ACACA: variants seen among roughly 807,000 people sequenced by gnomAD.
ACACA encodes the protein acetyl-CoA carboxylase 1.
Under a neutral mutation model 296.1 loss-of-function variants are expected in ACACA, and 103 were observed. The ratio of observed to expected loss-of-function variants is 0.35; its 90% CI spans 0.30 to 0.41. ACACA has a LOEUF of 0.41. Among genes scored for constraint, ACACA ranks in the 10% least tolerant of loss-of-function variants. The pLI, the probability that ACACA is intolerant of heterozygous loss-of-function variation, is 1.00. For synonymous variants in ACACA, 953 were observed against 1,038.6 expected (o/e 0.92, Z 1.58); for missense variants, 1,554 against 2,989.7 (o/e 0.52, Z 11.20).
intron 38 of ACACA, among the ~76,000 whole-genome samples, chr17:37,190,028 A>G (rs959824571): frequency 3.5e-5 from 5 of 144,082 alleles, no homozygotes; most frequent in Non-Finnish European, 6.2e-5. Flanking sequence ...AAAAAGAAAA[A>G]GAAAAAAAAA....
chr17:37,320,101 G>T (rs903573216), intron 3 of ACACA, among the ~76,000 whole-genome samples: 1 of 152,074 alleles, frequency 6.6e-6, no homozygotes, highest in Non-Finnish European at 1.5e-5. Flanking sequence ...CTCCAGCCTG[G>T]ACAACAGAGA....
intron 10 of ACACA, among the ~76,000 whole-genome samples, chr17:37,264,176 C>T (rs2081639892): frequency 6.6e-6 from 1 of 152,120 alleles, no homozygotes; most frequent in Non-Finnish European, 1.5e-5. Flanking sequence ...AAAACATAGG[C>T]ACATACACAA....
rs373046532 is a variant in ACACA at position 37,244,645 on chromosome 17, A to T, written c.2685T>A (p.Asp895Glu). The T allele has an allele frequency of 2.5e-6, 4 of 1,614,096 alleles. No homozygotes were observed. The highest frequency in any genetic ancestry group is 3.4e-6 in the Non-Finnish European group (4 of 1,180,040). ...KLHRVFHYVL[D>E]NLVNVMNGYC... Reference sequence around the variant, plus strand: ...ATCCATTCATTACATTGACCAGATTATCCAGGACATAATGGAACACTCGAT... The same window carrying T: ...ATCCATTCATTACATTGACCAGATTTTCCAGGACATAATGGAACACTCGAT... The change falls in exon 21 of 56, where the codon GAT becomes GAA. Residue 895 changes from aspartate (D) to glutamate (E), a missense_variant. Asp to Glu is a conservative substitution (Grantham distance 45, BLOSUM62 2). Coordinates refer to ENST00000616317, the MANE Select transcript of ACACA (RefSeq NM_198834.3).
chr17:37,338,594 C>T (rs903087892), intron 2 of ACACA, among the ~76,000 whole-genome samples: 2 of 151,296 alleles, frequency 1.3e-5, no homozygotes, highest in Admixed American at 1.3e-4. Flanking sequence ...GGTGACAGAG[C>T]GAGACTCTGT....
intron 14 of ACACA, 68 bp downstream of exon 14, chr17:37,257,635 C>T (rs917758007): frequency 3.3e-6 from 5 of 1,513,764 alleles, no homozygotes; most frequent in Admixed American, 1.7e-5. Context: ...TATTCCCATG[C>T]TCACACCTTC....
At chr17:37,167,371 T>C (rs983113733) in intron 41 of ACACA, among the ~76,000 whole-genome samples, 9 of 147,014 alleles carry the variant, frequency 6.1e-5, no homozygotes, top group Non-Finnish European at 8.9e-5. Context: ...TAGGTTGGAG[T>C]GCAGTGATGC....
intron 35 of ACACA, 52 bp downstream of exon 35, chr17:37,200,087 G>T: frequency 2.3e-6 from 3 of 1,325,078 alleles, no homozygotes; most frequent in Non-Finnish European, 2.2e-6. Flanking sequence ...AATAATCAGT[G>T]GCAGACAAAT....
rs1381246206 is a variant in ACACA, at chr17:37,223,519, G to A, written c.3557C>T (p.Ala1186Val). 3 of 1,603,872 alleles carry A rather than the reference G, an allele frequency of 1.9e-6. No homozygotes were observed. Among genetic ancestry groups the A allele is most frequent in the Non-Finnish European group, 1.7e-6 (2 of 1,170,638 alleles). ...YHSNQVVRMA[A>V]LEVYVRRAYI... Reference sequence around the variant, plus strand: ...ATTACCATAAATACTTACCTCCAGAGCTGCCATCCTCACTACTTGGTTGCT... The same window carrying A: ...ATTACCATAAATACTTACCTCCAGAACTGCCATCCTCACTACTTGGTTGCT... The change falls in exon 28 of 56, where the codon GCT (alanine) becomes GTT (valine). Residue 1186 changes from alanine to valine, a missense_variant. This residue lies in a region of ACACA where 42 missense variants were observed against 147.5 expected (regional missense o/e 0.28). Coordinates refer to ENST00000616317, the MANE Select transcript of ACACA (RefSeq NM_198834.3).
intron 41 of ACACA, among the ~76,000 whole-genome samples, chr17:37,175,844 T>C (rs2077093242): frequency 6.6e-6 from 1 of 152,234 alleles, no homozygotes; most frequent in South Asian, 2.1e-4. Context: ...GGTACTCCTT[T>C]AGTTACATCT....
At chr17:37,377,663 A>C (rs1026081662) in intron 1 of ACACA, among the ~76,000 whole-genome samples, 14 of 32,904 alleles carry the variant, frequency 4.3e-4, no homozygotes, top group African/African-American at 1.9e-3. Context: ...CCGTCTCAAT[A>C]AATAAATAAA....
chr17:37,308,868 C>T (rs924249443), intron 3 of ACACA, among the ~76,000 whole-genome samples: 9 of 151,938 alleles, frequency 5.9e-5, no homozygotes, highest in South Asian at 2.1e-4. Flanking sequence ...ACCTGAGAGG[C>T]GGAGGTTGCA....
At chr17:37,199,506 T>G (rs2078151918) in intron 35 of ACACA, among the ~76,000 whole-genome samples, 1 of 152,184 alleles carries the variant, frequency 6.6e-6, no homozygotes, top group Non-Finnish European at 1.5e-5. Flanking sequence ...TATTAACAGT[T>G]AATTCAGTTA....
At chr17:37,112,954 T>A in intron 51 of ACACA, 134 bp downstream of exon 51, 1 of 1,091,108 alleles carries the variant, frequency 9.2e-7, no homozygotes, top group Non-Finnish European at 1.3e-6. Context: ...TGGACTGTAA[T>A]GGAAGGAAAA....
chr17:37,129,656 T>C (rs2074995453), intron 46 of ACACA, among the ~76,000 whole-genome samples, 171 bp from the exon 47 acceptor site: 1 of 152,144 alleles, frequency 6.6e-6, no homozygotes. Flanking sequence ...CCAAGGAACA[T>C]GTATAGGTCA....
At chr17:37,339,656 C>A (rs542697746) in intron 2 of ACACA, 148 bp downstream of exon 2, 20 of 606,334 alleles carry the variant, frequency 3.3e-5, no homozygotes, top group African/African-American at 3.1e-4. Context: ...TTGTTAGACT[C>A]TTTGTTCACT....
chr17:37,284,217 T>C (rs962605334), intron 4 of ACACA, among the ~76,000 whole-genome samples: 1 of 152,178 alleles, frequency 6.6e-6, no homozygotes, highest in Non-Finnish European at 1.5e-5. Flanking sequence ...AATCTCTAAG[T>C]ATATCATGTG....
intron 3 of ACACA, among the ~76,000 whole-genome samples, chr17:37,325,238 C>T (rs2047551965): frequency 6.6e-6 from 1 of 150,716 alleles, no homozygotes; most frequent in South Asian, 2.1e-4. Flanking sequence ...TGGTGGAGAG[C>T]ACCTGTAATC....
In ACACA at chr17:37,320,712, C is replaced by T. The variant is rs1389388822; in HGVS notation, c.338+9461G>A. On this transcript the variant is annotated intron_variant, in intron 3 of 55. Transcript: ENST00000616317. ...CTGTAATCCCAGCACTTTGGGAAGC[C>T]GAGGCAGGTGGATCACCTGAGGTCA... Among the ~76,000 whole-genome samples, 8 of 151,676 alleles carry T rather than the reference C, an allele frequency of 5.3e-5. No homozygotes were observed. In the South Asian group the frequency reaches 6.3e-4, roughly 12 times the overall value.
intron 50 of ACACA, 78 bp downstream of exon 50, chr17:37,121,277 C>T (rs2074515511): frequency 3.7e-6 from 6 of 1,602,060 alleles, no homozygotes; most frequent in South Asian, 1.1e-5. Flanking sequence ...ACAGATTCTG[C>T]TGAATCTATA....
Sources: allele counts gnomAD v4.1 joint callset (sites outside exome capture counted in the v4.1 genomes callset), GRCh38; gene constraint gnomAD v4.1.1; regional missense constraint gnomAD v4.1.1; transcripts MANE v1.5; gene names NCBI Gene and HGNC (gene_info 2026-07-23, HGNC 2026-07-21).